Variants in RNF152 observed in about 807,000 individuals in gnomAD.
RNF152 encodes E3 ubiquitin-protein ligase RNF152.
Under a neutral mutation model 12.7 loss-of-function variants are expected in RNF152, and 11 were observed. That is an observed-to-expected ratio of 0.86 (90% CI 0.54 to 1.43). The LOEUF is 1.43. Among genes scored for constraint, RNF152 ranks in the 40% most tolerant of loss-of-function variants. RNF152 has a pLI of 0.00. For synonymous variants in RNF152, 113 were observed against 120.3 expected (o/e 0.94, Z 0.40); for missense variants, 255 against 274.8 (o/e 0.93, Z 0.51).
intron 1 of RNF152, among the ~76,000 whole-genome samples, chr18:61,850,638 G>T (rs140707726): frequency 6.8e-4 from 104 of 152,216 alleles, no homozygotes; most frequent in African/African-American, 2.5e-3. Flanking sequence ...GAAAAAGGAG[G>T]CTTTCAGTTT....
intron 1 of RNF152, among the ~76,000 whole-genome samples, chr18:61,839,625 G>T (rs929752431): frequency 6.6e-6 from 1 of 152,164 alleles, no homozygotes; most frequent in African/African-American, 2.4e-5. Flanking sequence ...GCTGGGCACG[G>T]TGGCTCACCC....
intron 1 of RNF152, among the ~76,000 whole-genome samples, chr18:61,837,668 T>A (rs764259662): frequency 5.9e-5 from 9 of 152,218 alleles, no homozygotes; most frequent in Non-Finnish European, 1.2e-4. Flanking sequence ...TCTAAGATAC[T>A]TGATAGAAGA....
chr18:61,856,623 T>C (rs1352725430), intron 1 of RNF152, among the ~76,000 whole-genome samples: 1 of 152,224 alleles, frequency 6.6e-6, no homozygotes, highest in Non-Finnish European at 1.5e-5. Flanking sequence ...ATACCCCTTC[T>C]TTCTGCTGTC....
intron 1 of RNF152, among the ~76,000 whole-genome samples, chr18:61,824,342 A>G (rs1430653830): frequency 6.6e-6 from 1 of 152,238 alleles, no homozygotes; most frequent in East Asian, 1.9e-4. Context: ...TCTAGTAAAA[A>G]TATTCTATGA....
intron 1 of RNF152, among the ~76,000 whole-genome samples, chr18:61,840,905 C>A (rs1223585854): frequency 6.6e-6 from 1 of 152,178 alleles, no homozygotes; most frequent in Non-Finnish European, 1.5e-5. Context: ...GAAACCACAG[C>A]TTTCTAAAAG....
chr18:61,845,302 TAAG>T (rs1402183304), intron 1 of RNF152, among the ~76,000 whole-genome samples: 1 of 152,196 alleles, frequency 6.6e-6, no homozygotes, highest in African/African-American at 2.4e-5. Flanking sequence ...CTGTGCTGTG[TAAG>T]AAGAGCAATG....
At chr18:61,866,455 C>G (rs370624623) in intron 1 of RNF152, among the ~76,000 whole-genome samples, 8 of 152,148 alleles carry the variant, frequency 5.3e-5, no homozygotes, top group African/African-American at 1.9e-4. Flanking sequence ...TCCACACTCT[C>G]GCCCGCGTTT....
intron 1 of RNF152, among the ~76,000 whole-genome samples, chr18:61,878,554 TAGTC>T (rs1433829807): frequency 6.6e-6 from 1 of 152,226 alleles, no homozygotes; most frequent in East Asian, 1.9e-4. Flanking sequence ...ATTTCTGTCT[TAGTC>T]TGTTTGTGCT....
chr18:61,838,724 C>T (rs773015159), intron 1 of RNF152, among the ~76,000 whole-genome samples: 1 of 152,004 alleles, frequency 6.6e-6, no homozygotes, highest in Non-Finnish European at 1.5e-5. Context: ...GATTGATGCA[C>T]CTCCCTCTGC....
intron 1 of RNF152, among the ~76,000 whole-genome samples, chr18:61,869,707 A>C (rs1911896548): frequency 6.6e-6 from 1 of 152,206 alleles, no homozygotes; most frequent in Non-Finnish European, 1.5e-5. Flanking sequence ...AATGTCCAGT[A>C]AATGAATGAA....
At chr18:61,868,805 TG>T (rs1911854871) in intron 1 of RNF152, among the ~76,000 whole-genome samples, 1 of 152,136 alleles carries the variant, frequency 6.6e-6, no homozygotes, top group Non-Finnish European at 1.5e-5. Flanking sequence ...TAGTGTGCCT[TG>T]TAGTTATGTG....
chr18:61,850,697 C>G (rs747600963), intron 1 of RNF152, among the ~76,000 whole-genome samples: 65 of 152,132 alleles, frequency 4.3e-4, no homozygotes, highest in Admixed American at 2.9e-3. Flanking sequence ...CAAAGTAAAC[C>G]TGTATGTGAA....
intron 1 of RNF152, among the ~76,000 whole-genome samples, chr18:61,883,258 A>T (rs763187401): frequency 1.3e-5 from 2 of 152,196 alleles, no homozygotes; most frequent in Non-Finnish European, 2.9e-5. Context: ...GTCTTTACTG[A>T]GTGTCTACTG....
chr18:61,893,780 C>G (rs1242845042), upstream of RNF152: 1 of 151,882 alleles, frequency 6.6e-6, no homozygotes, highest in Non-Finnish European at 1.5e-5. Flanking sequence ...GCGCGCGGCG[C>G]GGGCACGAGG....
chr18:61,844,223 G>GGAGACGGGAGGGGA (rs1280455057), intron 1 of RNF152, among the ~76,000 whole-genome samples: 2 of 135,886 alleles, frequency 1.5e-5, no homozygotes, highest in African/African-American at 5.5e-5. Flanking sequence ...GGGAGGGAAG[G>GGAGACGGGAGGGGA]AGGGAGACGG....
At chr18:61,820,036 A>G (rs1262109283) in intron 1 of RNF152, among the ~76,000 whole-genome samples, 1 of 149,386 alleles carries the variant, frequency 6.7e-6, no homozygotes, top group Admixed American at 6.7e-5. Flanking sequence ...AAAAAAAAAA[A>G]AAAAAGAATC....
At chr18:61,831,289 C>T (rs981101296) in intron 1 of RNF152, among the ~76,000 whole-genome samples, 1 of 152,222 alleles carries the variant, frequency 6.6e-6, no homozygotes, top group Admixed American at 6.5e-5. Flanking sequence ...AAACCCTGGG[C>T]TGTGATTACA....
intron 1 of RNF152, among the ~76,000 whole-genome samples, chr18:61,850,681 G>A (rs191227048): frequency 1.3e-5 from 2 of 152,248 alleles, no homozygotes; most frequent in Admixed American, 1.3e-4. Flanking sequence ...TATAAATTCA[G>A]GACAACAAAG....
At chr18:61,880,616 C>T (rs1380073923) in intron 1 of RNF152, among the ~76,000 whole-genome samples, 1 of 152,166 alleles carries the variant, frequency 6.6e-6, no homozygotes, top group African/African-American at 2.4e-5. Flanking sequence ...CCCCACTCTC[C>T]CAAATTGTCT....
Sources: gnomAD v4.1 joint callset for allele counts (sites outside exome capture counted in the v4.1 genomes callset) on GRCh38, gnomAD v4.1.1 for gene constraint, MANE v1.5 for transcripts, NCBI Gene and HGNC (gene_info 2026-07-23, HGNC 2026-07-21) for gene names.